The following TMEM117 variants were observed in gnomAD, a reference collection of about 807,000 sequenced individuals.
TMEM117 encodes the protein transmembrane protein 117.
Under a neutral mutation model 52.4 loss-of-function variants are expected in TMEM117, and 27 were observed. The ratio of observed to expected loss-of-function variants is 0.51; its 90% CI spans 0.38 to 0.71. The LOEUF is 0.71. Ranked by LOEUF, TMEM117 falls within the 30% of genes least tolerant of loss-of-function variation. The pLI is 0.00. For missense variants in TMEM117, 556 were observed against 630.5 expected (o/e 0.88, Z 1.26); for synonymous variants, 215 against 206.3 (o/e 1.04, Z -0.36).
intron 4 of TMEM117, among the ~76,000 whole-genome samples, chr12:44,151,016 T>A (rs1948714200): frequency 6.6e-6 from 1 of 152,140 alleles, no homozygotes; most frequent in Admixed American, 6.6e-5. Context: ...TTATATTCAT[T>A]TATTAAAAAT....
At chr12:44,352,100 A>G (rs1293003315) in intron 6 of TMEM117, among the ~76,000 whole-genome samples, 8 of 151,854 alleles carry the variant, frequency 5.3e-5, no homozygotes, top group Non-Finnish European at 1.2e-4. Flanking sequence ...AGACAGACAT[A>G]TATGCATGGT....
chr12:44,069,024 G>T (rs998248269), intron 3 of TMEM117, among the ~76,000 whole-genome samples: 1 of 152,150 alleles, frequency 6.6e-6, no homozygotes, highest in Non-Finnish European at 1.5e-5. Flanking sequence ...AGAGCTTAGA[G>T]TAAATACAAA....
chr12:43,903,004 G>A (rs1189443797), intron 2 of TMEM117, among the ~76,000 whole-genome samples: 1 of 152,058 alleles, frequency 6.6e-6, no homozygotes, highest in African/African-American at 2.4e-5. Context: ...AACTCATGAG[G>A]TATTGATGGA....
chr12:43,920,445 G>C (rs1340341848), intron 2 of TMEM117, among the ~76,000 whole-genome samples: 2 of 150,218 alleles, frequency 1.3e-5, no homozygotes, highest in African/African-American at 2.5e-5. Flanking sequence ...CCCGGGAGGC[G>C]GAGGTTGCAG....
Position 44,229,474 on chromosome 12 carries a change from G to A in TMEM117, c.608+18087G>A, listed in dbSNP as rs550321865. 2.6e-5 allele frequency among the ~76,000 whole-genome samples: 4 copies of A among 152,048 alleles called. No individual in the cohort carries two copies. The East Asian group carries it at 7.7e-4, about 29-fold the overall frequency. On this transcript the variant is annotated intron_variant, in intron 5 of 7. Transcript: ENST00000266534. ...CAGTTCCACAGTAGCTGCCAGAGGGGAACATGTGCTCATGGGGTCCAGGTA... is the reference window on the plus strand; with the variant it reads ...CAGTTCCACAGTAGCTGCCAGAGGGAAACATGTGCTCATGGGGTCCAGGTA...
rs1399035806 is a variant in TMEM117, at chr12:44,143,563, A to G, written c.449A>G (p.Glu150Gly). 5 of 1,613,922 alleles carry G rather than the reference A, an allele frequency of 3.1e-6. No homozygotes were observed. Among genetic ancestry groups the G allele is most frequent in the Non-Finnish European group, 4.2e-6 (5 of 1,179,946 alleles). Residue 150 changes from glutamate to glycine, a missense_variant, in exon 4 of 8, where the codon GAA becomes GGA. Around this residue, in one of 3 missense-constraint regions of TMEM117, gnomAD observed 328 missense variants for 371.4 expected, o/e 0.88. Transcript: ENST00000266534. ...ACAGACTATATGGGCATCCGAAATGAAAGTTTCATGAAATTAGCTGCAGTA... is the reference window on the plus strand; with the variant it reads ...ACAGACTATATGGGCATCCGAAATGGAAGTTTCATGAAATTAGCTGCAGTA... ...IITDYMGIRN[E>G]SFMKLAAVGT...
chr12:44,185,869 TACACACAC>T (rs3065433), intron 4 of TMEM117, among the ~76,000 whole-genome samples: 6,161 of 135,072 alleles, frequency 0.046, 150 homozygotes, highest in African/African-American at 0.059. Flanking sequence ...CTAAAAGACA[TACACACAC>T]ACACACACAC....
At chr12:43,971,861 T>C (rs540786044) in intron 3 of TMEM117, among the ~76,000 whole-genome samples, 1 of 152,358 alleles carries the variant, frequency 6.6e-6, no homozygotes, top group Non-Finnish European at 1.5e-5. Context: ...AACCTAATCA[T>C]CTTGAATAAC....
intron 5 of TMEM117, among the ~76,000 whole-genome samples, chr12:44,273,137 C>T (rs61836111): frequency 1.7e-4 from 26 of 152,022 alleles, no homozygotes; most frequent in Admixed American, 7.9e-4. Flanking sequence ...AACCAAACAC[C>T]GCATGTTCTC....
intron 2 of TMEM117, among the ~76,000 whole-genome samples, chr12:43,912,102 A>G (rs371064030): frequency 2.7e-5 from 4 of 149,536 alleles, no homozygotes; most frequent in African/African-American, 4.9e-5. Flanking sequence ...CAACCCAAAT[A>G]TCCAACAACG....
intron 3 of TMEM117, among the ~76,000 whole-genome samples, chr12:44,049,554 T>TA (rs397940837): frequency 0.11 from 14,667 of 137,900 alleles, 1,057 homozygotes; most frequent in African/African-American, 0.21. Flanking sequence ...TAAAAAACAT[T>TA]AAAAAAAAAA....
At chr12:43,803,977 C>T in the TMEM117 span, among the ~76,000 whole-genome samples, 1 of 152,038 alleles carries the variant, frequency 6.6e-6, no homozygotes. Flanking sequence ...TCCCTGTTTA[C>T]AGAATTATTT....
At chr12:43,846,866 C>T (rs11182296) in intron 2 of TMEM117, among the ~76,000 whole-genome samples, 35 of 152,074 alleles carry the variant, frequency 2.3e-4, no homozygotes, top group East Asian at 5.8e-4. Context: ...CACACATACA[C>T]GTAGTATTAT....
chr12:44,384,752 T>C (rs1952065684), intron 7 of TMEM117, among the ~76,000 whole-genome samples: 1 of 152,156 alleles, frequency 6.6e-6, no homozygotes, highest in African/African-American at 2.4e-5. Context: ...TTACAATCCT[T>C]ATGTGTCCTT....
At position 44,255,199 on chromosome 12, in the gene TMEM117, G is replaced by A. The variant is rs141999446; in HGVS notation, c.608+43812G>A. 8.2e-3 allele frequency among the ~76,000 whole-genome samples: 1,242 copies of A among 152,118 alleles called. 13 individuals carry two copies. Among genetic ancestry groups the A allele is most frequent in the African/African-American group, 0.028 (1,182 of 41,482 alleles). Reference sequence around the variant, plus strand: ...AGTAATGGGATGGCTGGGTGAAATGGTATTTCTAGTTCTAGATCCCTGAGG... The same window carrying A: ...AGTAATGGGATGGCTGGGTGAAATGATATTTCTAGTTCTAGATCCCTGAGG... On this transcript the variant is annotated intron_variant, in intron 5 of 7. Transcript: ENST00000266534.
At chr12:44,134,799 C>T (rs1204904260) in intron 3 of TMEM117, among the ~76,000 whole-genome samples, 1 of 151,896 alleles carries the variant, frequency 6.6e-6, no homozygotes, top group East Asian at 1.9e-4. Context: ...TGAATATTTA[C>T]AATGCTTTTC....
At chr12:44,047,732 A>G (rs1054276963) in intron 3 of TMEM117, among the ~76,000 whole-genome samples, 4 of 152,142 alleles carry the variant, frequency 2.6e-5, no homozygotes, top group African/African-American at 9.7e-5. Context: ...AAAATCCCCA[A>G]TTGGTCAAGA....
chr12:44,211,917 C>T (rs17094260), intron 5 of TMEM117, among the ~76,000 whole-genome samples: 16,157 of 152,132 alleles, frequency 0.11, 949 homozygotes, highest in Middle Eastern at 0.2. Context: ...TTTATGTGTA[C>T]GTGAACAAGT....
intron 6 of TMEM117, among the ~76,000 whole-genome samples, chr12:44,343,321 T>A (rs529364470): frequency 2.0e-5 from 3 of 152,176 alleles, no homozygotes; most frequent in Middle Eastern, 3.4e-3. Context: ...GATCCAACTC[T>A]CCCTTTCAGT....
Sources: allele counts gnomAD v4.1 joint callset (sites outside exome capture counted in the v4.1 genomes callset), GRCh38; gene constraint gnomAD v4.1.1; regional missense constraint gnomAD v4.1.1; transcripts MANE v1.5; gene names NCBI Gene and HGNC (gene_info 2026-07-23, HGNC 2026-07-21).